SCN1A: variants seen among roughly 807,000 people sequenced by gnomAD.
The protein encoded by SCN1A is sodium voltage-gated channel alpha subunit 1, also known as sodium channel protein type 1 subunit alpha.
Under a neutral mutation model 193.7 loss-of-function variants are expected in SCN1A, and 13 were observed. The observed-to-expected ratio is 0.07, with a 90% CI of 0.04 to 0.11. The LOEUF (loss-of-function observed/expected upper bound fraction) is 0.11. SCN1A is among the 10% of genes least tolerant of loss of function. SCN1A has a pLI of 1.00. For missense variants in SCN1A, 1,432 were observed against 2,451.1 expected (o/e 0.58, Z 8.78); for synonymous variants, 781 against 843.6 (o/e 0.93, Z 1.29).
chr2:166,000,040 G>C, intron 24 of SCN1A: 1 of 488,724 alleles, frequency 2.0e-6, no homozygotes, highest in Non-Finnish European at 3.7e-6. Context: ...AGAGTTCATG[G>C]TGTCATGATA....
intron 19 of SCN1A, among the ~76,000 whole-genome samples, chr2:166,019,689 A>G (rs748448467): frequency 6.6e-6 from 1 of 152,182 alleles, no homozygotes; most frequent in Non-Finnish European, 1.5e-5. Flanking sequence ...AAAAATGGCC[A>G]TCCTCATTCT....
At chr2:166,068,957 A>G (rs1163686642) in intron 4 of SCN1A, among the ~76,000 whole-genome samples, 2 of 152,236 alleles carry the variant, frequency 1.3e-5, no homozygotes, top group East Asian at 3.8e-4. Flanking sequence ...TAATTTTAAC[A>G]AGAACATGAG....
chr2:166,094,993 T>C (rs1687220444), intron 2 of SCN1A, among the ~76,000 whole-genome samples: 1 of 152,232 alleles, frequency 6.6e-6, no homozygotes. Context: ...GATCATTTGG[T>C]CTTTATTATT....
chr2:166,012,403 T>C, intron 21 of SCN1A, 121 bp from the exon 22 acceptor site: 3 of 751,246 alleles, frequency 4.0e-6, no homozygotes, highest in Non-Finnish European at 6.5e-6. Flanking sequence ...GAAACAGTAG[T>C]TACTGTTACT....
At chr2:166,022,192 T>C (rs1369451085) in intron 19 of SCN1A, among the ~76,000 whole-genome samples, 1 of 152,010 alleles carries the variant, frequency 6.6e-6, no homozygotes, top group Non-Finnish European at 1.5e-5. Context: ...AAAAAATATG[T>C]GTGGTGAATA....
At position 166,147,915 on chromosome 2, in the gene SCN1A, T is replaced by G. The variant is rs138484949; in HGVS notation, c.-50+1132A>C. Among the ~76,000 whole-genome samples the G allele has an allele frequency of 4.7e-3, 718 of 152,294 alleles. 10 individuals carry two copies. Among genetic ancestry groups the G allele is most frequent in the African/African-American group, 0.016 (656 of 41,568 alleles). On this transcript the variant is annotated intron_variant, in intron 1 of 26. Coordinates refer to the SCN1A transcript ENST00000635750. ...TTTAATTTTTAAAATGCAAGAAATT[T>G]TAGATACTTTAAAACTACCTGTTTA... is the stretch of plus-strand genomic sequence containing the variant.
rs1367128758 is a variant in SCN1A at position 166,017,730 on chromosome 2, AAATT to A, written c.3430-2007_3430-2004del. 2.6e-5 allele frequency among the ~76,000 whole-genome samples: 4 copies of A among 152,184 alleles called. No homozygotes were observed. In the South Asian group the frequency reaches 6.2e-4, roughly 24 times the overall value. ...TTGAGAATTTTAACAATTTTCGCCA[AAATT>A]AATTAAGAACTAGAAAGGATATTAT... On this transcript the variant is annotated intron_variant, in intron 19 of 28. Coordinates refer to ENST00000674923, the MANE Select transcript of SCN1A (RefSeq NM_001165963.4).
chr2:166,093,580 C>T (rs538455750), intron 2 of SCN1A, among the ~76,000 whole-genome samples: 13 of 152,106 alleles, frequency 8.5e-5, no homozygotes, highest in South Asian at 2.1e-4. Flanking sequence ...CCTGACCTCA[C>T]GATCCACCCG....
At chr2:166,130,235 ATCAAGTATTAT>A (rs200294619), upstream of SCN1A, among the ~76,000 whole-genome samples, 2,627 of 152,316 alleles carry the variant, frequency 0.017, 38 homozygotes, top group Middle Eastern at 0.041. Flanking sequence ...TACTGCATCT[ATCAAGTATTAT>A]TCATATTCTG....
At chr2:165,998,516 T>C (rs1401657457) in intron 25 of SCN1A, among the ~76,000 whole-genome samples, 1 of 151,314 alleles carries the variant, frequency 6.6e-6, no homozygotes, top group African/African-American at 2.4e-5. Context: ...AAACTGTAAA[T>C]ATCTACAGGC....
rs573768732 is a variant in SCN1A, at chr2:165,988,953, A to T, written c.*2292T>A. 2 of 151,972 alleles carry T rather than the reference A, an allele frequency of 1.3e-5. No individual in the cohort carries two copies. Among genetic ancestry groups the T allele is most frequent in the South Asian group, 4.2e-4 (2 of 4,804 alleles). 9.4% of individuals were successfully genotyped at this position (151,972 alleles called of 1,614,324 possible). A position where few individuals can be genotyped will look rare whatever the true frequency, so the allele number is the denominator to read the frequency against. On this transcript the variant is annotated 3_prime_UTR_variant, in exon 29 of 29. Coordinates refer to ENST00000674923, the MANE Select transcript of SCN1A (RefSeq NM_001165963.4). ...AACAGAGAACACACCTGCTGCTTGT[A>T]ATTCTGGGAGGTCATTACCCCCTAC...
chr2:166,002,779 A>G, intron 23 of SCN1A, 26 bp from the exon 24 acceptor site: 1 of 1,591,770 alleles, frequency 6.3e-7, no homozygotes, highest in Non-Finnish European at 8.5e-7. Flanking sequence ...AAAAAAAGAA[A>G]AGTCAGAATT....
intron 14 of SCN1A, 85 bp from the exon 15 acceptor site, chr2:166,042,509 A>C: frequency 8.2e-7 from 1 of 1,219,486 alleles, no homozygotes; most frequent in East Asian, 2.3e-5. Flanking sequence ...AGTGAATTTC[A>C]TGAAACACAT....
At chr2:166,001,991 T>A (rs903844285) in intron 24 of SCN1A, among the ~76,000 whole-genome samples, 1 of 148,842 alleles carries the variant, frequency 6.7e-6, no homozygotes, top group African/African-American at 2.5e-5. Context: ...AACCTAAATG[T>A]CATTCCCCAA....
At chr2:166,062,914 C>T (rs1423096103) in intron 4 of SCN1A, among the ~76,000 whole-genome samples, 1 of 152,002 alleles carries the variant, frequency 6.6e-6, no homozygotes, top group East Asian at 1.9e-4. Flanking sequence ...TGCATTAAGT[C>T]ATTTGAATAA....
In SCN1A at chr2:166,073,507, G is replaced by C. The variant is rs968754992; in HGVS notation, c.115C>G (p.Pro39Ala). ...IAEEKAKNPK[P>A]DKKDDDENGP... ...TTTTCGTCGTCATCTTTTTTGTCTG[G>C]TTTGGGATTCTTTGCCTTTTCTTCT... is the stretch of plus-strand genomic sequence containing the variant. Residue 39 changes from proline to alanine, a missense_variant, in exon 4 of 29, where the codon CCA (proline) becomes GCA (alanine). Pro to Ala is a conservative substitution (Grantham distance 27). Around this residue, in one of 18 missense-constraint regions of SCN1A, gnomAD observed 55 missense variants for 58.4 expected, o/e 0.94. Coordinates refer to ENST00000674923, the MANE Select transcript of SCN1A (RefSeq NM_001165963.4). The C allele has an allele frequency of 6.2e-7, 1 of 1,614,068 alleles. No homozygotes were observed. Among genetic ancestry groups the C allele is most frequent in the African/African-American group, 1.3e-5 (1 of 75,002 alleles).
intron 4 of SCN1A, among the ~76,000 whole-genome samples, chr2:166,067,398 A>G (rs1287281087): frequency 6.6e-6 from 1 of 152,092 alleles, no homozygotes; most frequent in Non-Finnish European, 1.5e-5. Flanking sequence ...CCAGAATCAC[A>G]TCTTGCAAAA....
chr2:166,122,485 A>G (rs1396063495), intron 2 of SCN1A, among the ~76,000 whole-genome samples: 1 of 152,208 alleles, frequency 6.6e-6, no homozygotes, highest in Admixed American at 6.5e-5. Flanking sequence ...CTGATTCTTT[A>G]AAGTTATGTG....
chr2:166,034,830 C>T (rs1696120735), intron 19 of SCN1A, among the ~76,000 whole-genome samples: 2 of 152,166 alleles, frequency 1.3e-5, no homozygotes, highest in Non-Finnish European at 2.9e-5. Context: ...AGAGTTCTCT[C>T]TCTTTCCATG....
Sources: gnomAD v4.1 joint callset for allele counts (sites outside exome capture counted in the v4.1 genomes callset) on GRCh38, gnomAD v4.1.1 for gene constraint, gnomAD v4.1.1 regional missense constraint, MANE v1.5 for transcripts, NCBI Gene and HGNC (gene_info 2026-07-23, HGNC 2026-07-21) for gene names.